The following DNAH5 variants were observed in gnomAD, a reference collection of about 807,000 sequenced individuals.
DNAH5 encodes axonemal beta dynein heavy chain 5.
DNAH5 carries 372 observed loss-of-function variants against 518.2 expected under a neutral mutation model. The ratio of observed to expected loss-of-function variants is 0.72; its 90% CI spans 0.66 to 0.78. The LOEUF (loss-of-function observed/expected upper bound fraction) is 0.78, where lower values mean the gene tolerates loss of function less well. DNAH5 is among the 30% of genes least tolerant of loss of function. DNAH5 has a pLI of 0.00. For missense variants in DNAH5, 5,523 were observed against 5,687.0 expected, an observed-to-expected ratio of 0.97 and a Z score of 0.93; for synonymous variants, 2,039 against 2,025.9, an observed-to-expected ratio of 1.01 and a Z score of -0.17.
chr5:13,915,114 C>T (rs1776498940), intron 9 of DNAH5, among the ~76,000 whole-genome samples: 1 of 152,130 alleles, frequency 6.6e-6, no homozygotes. Context: ...AAACCACTAA[C>T]ATTTTATTCA....
intron 47 of DNAH5, among the ~76,000 whole-genome samples, chr5:13,799,345 A>T (rs1580309584): frequency 6.6e-6 from 1 of 152,266 alleles, no homozygotes; most frequent in Non-Finnish European, 1.5e-5. Flanking sequence ...TTTTTGGCAC[A>T]TGAAGATTTT....
intron 46 of DNAH5, among the ~76,000 whole-genome samples, 195 bp from the exon 47 acceptor site, chr5:13,807,920 C>T (rs1355429751): frequency 1.3e-5 from 2 of 151,928 alleles, no homozygotes; most frequent in African/African-American, 4.8e-5. Flanking sequence ...CACCCTAACT[C>T]GTGTCCTTAT....
rs1025192826 is a variant in DNAH5 at position 13,871,839 on chromosome 5, A to G, written c.3397-74T>C. 4.6e-6 allele frequency: 6 copies of G among 1,296,898 alleles called. No individual in the cohort carries two copies. The African/African-American group carries it at 5.9e-5, about 13-fold the overall frequency. The allele number at this position is 1,296,898 out of a possible 1,614,324, so 80.3% of individuals were successfully genotyped here. On this transcript the variant is annotated intron_variant, in intron 22 of 78. Coordinates refer to ENST00000265104, the MANE Select transcript of DNAH5 (RefSeq NM_001369.3). ...ACAATGATATAAGTGAATATTTACC[A>G]ACTGCTGGTGGTTCCTATGGATTTA... is the stretch of plus-strand genomic sequence containing the variant.
At chr5:13,761,586 C>T (rs1407725914) in intron 60 of DNAH5, among the ~76,000 whole-genome samples, 3 of 104,082 alleles carry the variant, frequency 2.9e-5, no homozygotes, top group African/African-American at 1.3e-4. Context: ...GAGAAAGACT[C>T]CGTCTCAAAA....
At chr5:13,956,414 T>C (rs1015374094) in intron 1 of DNAH5, among the ~76,000 whole-genome samples, 2 of 152,208 alleles carry the variant, frequency 1.3e-5, no homozygotes, top group Non-Finnish European at 2.9e-5. Flanking sequence ...AACTATTTTC[T>C]CTCATTAAGT....
At chr5:13,780,740 T>C in intron 53 of DNAH5, 89 bp downstream of exon 53, 3 of 1,411,352 alleles carry the variant, frequency 2.1e-6, no homozygotes, top group Non-Finnish European at 3.0e-6. Context: ...ACTCTTTATA[T>C]GTAAGAGAAA....
chr5:13,712,275 G>T (rs1312662470), intron 75 of DNAH5, among the ~76,000 whole-genome samples: 1 of 152,106 alleles, frequency 6.6e-6, no homozygotes, highest in African/African-American at 2.4e-5. Flanking sequence ...ACATGTATAA[G>T]AATAAAACTG....
At chr5:13,975,820 G>C (rs1283927822) in intron 1 of DNAH5, among the ~76,000 whole-genome samples, 3 of 152,048 alleles carry the variant, frequency 2.0e-5, no homozygotes, top group African/African-American at 7.3e-5. Context: ...TTGCATTTAG[G>C]GTTCCATATA....
intron 24 of DNAH5, among the ~76,000 whole-genome samples, chr5:13,869,254 C>T (rs377741265): frequency 2.0e-4 from 30 of 151,644 alleles, no homozygotes; most frequent in South Asian, 8.4e-4. Context: ...AGTCTGATCT[C>T]GACCATCAGA....
Position 13,830,651 on chromosome 5 carries a change from C to T in DNAH5, c.6007G>A (p.Val2003Ile), listed in dbSNP as rs776402895. 5.1e-5 allele frequency: 82 copies of T among 1,614,060 alleles called. No homozygotes were observed. The highest frequency in any genetic ancestry group is 6.8e-5 in the Non-Finnish European group (80 of 1,180,034). ...MGRCLGKYVVVFNCSDQMDFR... is the reference protein window; with the variant it reads ...MGRCLGKYVVIFNCSDQMDFR... ...TCCATCTGGTCTGAACAATTGAAAA[C>T]CACGACGTATTTCCCGAGGCATCGT... is the stretch of plus-strand genomic sequence containing the variant. Residue 2003 changes from valine to isoleucine, a missense_variant, in exon 36 of 79, where the codon GTT (valine) becomes ATT (isoleucine). Physicochemically the swap from Val to Ile is conservative, Grantham distance 29. Transcript: ENST00000265104.
chr5:13,921,750 A>AAC, intron 5 of DNAH5, among the ~76,000 whole-genome samples: 1 of 134,378 alleles, frequency 7.4e-6, no homozygotes, highest in East Asian at 2.7e-4. Context: ...GCCCACACAC[A>AAC]CCCCCCCACA....
intron 30 of DNAH5, among the ~76,000 whole-genome samples, chr5:13,853,402 C>T (rs780240677): frequency 4.6e-5 from 7 of 152,154 alleles, no homozygotes; most frequent in African/African-American, 1.2e-4. Context: ...GATAAATACA[C>T]GAAGATGAGG....
chr5:13,863,460 GT>G (rs898618930), intron 28 of DNAH5, among the ~76,000 whole-genome samples: 6 of 151,752 alleles, frequency 4.0e-5, no homozygotes, highest in Non-Finnish European at 8.8e-5. Context: ...ACCTTCCCAT[GT>G]TCCCCATCTC....
At chr5:13,980,418 C>T (rs1400685292) in intron 1 of DNAH5, among the ~76,000 whole-genome samples, 1 of 152,132 alleles carries the variant, frequency 6.6e-6, no homozygotes, top group African/African-American at 2.4e-5. Flanking sequence ...ATTCGGGCAT[C>T]GAACTCAGCA....
rs1490888369 is a variant in DNAH5, at chr5:13,727,542, T to A, written c.11998A>T (p.Ile4000Phe). 1.2e-5 allele frequency: 19 copies of A among 1,613,686 alleles called. No individual in the cohort carries two copies. The African/African-American group carries it at 2.3e-4, about 19-fold the overall frequency. The change falls in exon 70 of 79, where the codon ATT (isoleucine) becomes TTT (phenylalanine). Residue 4000 changes from isoleucine (I) to phenylalanine (F), a missense_variant. By Grantham distance (21) the Ile-to-Phe change is conservative (BLOSUM62 0). Transcript: ENST00000265104. ...GTTCTGTCAGGACACCAGGATCTAA[T>A]AAGGAGAAGACGTCTGAAGCAGTCA... is the stretch of plus-strand genomic sequence containing the variant. ...SLDCFRRLLLIRSWCPDRTIA... is the reference protein window; with the variant it reads ...SLDCFRRLLLFRSWCPDRTIA...
chr5:13,961,615 G>T (rs1781186168), intron 1 of DNAH5, among the ~76,000 whole-genome samples: 1 of 151,948 alleles, frequency 6.6e-6, no homozygotes, highest in African/African-American at 2.4e-5. Flanking sequence ...CTGCGCTCCA[G>T]CCCGGGTGAC....
intron 65 of DNAH5, among the ~76,000 whole-genome samples, chr5:13,737,753 C>A (rs1397203593): frequency 6.6e-6 from 1 of 151,358 alleles, no homozygotes; most frequent in Non-Finnish European, 1.5e-5. Flanking sequence ...GGTAAAACCC[C>A]ATCTCTACTA....
chr5:13,799,209 C>CA (rs1016844973), intron 47 of DNAH5, among the ~76,000 whole-genome samples: 1 of 137,858 alleles, frequency 7.3e-6, no homozygotes, highest in Non-Finnish European at 1.6e-5. Context: ...ATTTCATACC[C>CA]CCCCCCACAA....
At position 13,785,672 on chromosome 5, in the gene DNAH5, A is replaced by G. The variant is rs143108002; in HGVS notation, c.8820+507T>C. Among the ~76,000 whole-genome samples the G allele has an allele frequency of 9.3e-3, 1,420 of 152,104 alleles. 14 individuals are homozygous for G. Among genetic ancestry groups the G allele is most frequent in the African/African-American group, 0.029 (1,199 of 41,516 alleles). The stretch of plus-strand genomic sequence containing the variant: ...GTACCCATTTAACACTAACTCCCCA[A>G]TCGTCTCTCCACCCAACCCTGGAAT... On this transcript the variant is annotated intron_variant, in intron 52 of 78. Coordinates refer to ENST00000265104, the MANE Select transcript of DNAH5 (RefSeq NM_001369.3).
Sources: gnomAD v4.1 joint callset for allele counts (sites outside exome capture counted in the v4.1 genomes callset) on GRCh38, gnomAD v4.1.1 for gene constraint, MANE v1.5 for transcripts, NCBI Gene and HGNC (gene_info 2026-07-23, HGNC 2026-07-21) for gene names.